Variants in ROBO1 observed in about 807,000 individuals in gnomAD.
The protein encoded by ROBO1 is roundabout guidance receptor 1.
Under a neutral mutation model 195.9 loss-of-function variants are expected in ROBO1, and 149 were observed. The ratio of observed to expected loss-of-function variants is 0.76; its 90% CI spans 0.67 to 0.87. ROBO1 has a LOEUF of 0.87. Ranked by LOEUF, ROBO1 falls within the 40% of genes least tolerant of loss-of-function variation. The pLI, the probability that ROBO1 is intolerant of heterozygous loss-of-function variation, is 0.00. For synonymous variants in ROBO1, 816 were observed against 733.2 expected, an observed-to-expected ratio of 1.11 and a Z score of -1.82; for missense variants, 1,933 against 2,068.3, an observed-to-expected ratio of 0.93 and a Z score of 1.27.
At chr3:78,900,953 C>T (rs1292583953) in intron 4 of ROBO1, among the ~76,000 whole-genome samples, 2 of 152,026 alleles carry the variant, frequency 1.3e-5, no homozygotes, top group Non-Finnish European at 2.9e-5. Flanking sequence ...CTTTATTCAT[C>T]TCATCTGTCT....
chr3:79,586,096 T>C (rs1449840362), intron 2 of ROBO1, among the ~76,000 whole-genome samples: 1 of 151,966 alleles, frequency 6.6e-6, no homozygotes, highest in Non-Finnish European at 1.5e-5. Context: ...ATTCATTTAC[T>C]TTCAATTTGT....
At chr3:79,391,705 T>A (rs1161699680) in intron 2 of ROBO1, among the ~76,000 whole-genome samples, 1 of 152,184 alleles carries the variant, frequency 6.6e-6, no homozygotes, top group East Asian at 1.9e-4. Context: ...ATCGCTGATT[T>A]TATCACTAGG....
At chr3:79,018,169 G>A (rs1447859856) in intron 3 of ROBO1, among the ~76,000 whole-genome samples, 6 of 152,174 alleles carry the variant, frequency 3.9e-5, no homozygotes, top group Non-Finnish European at 8.8e-5. Context: ...AAAAGGCCGA[G>A]ATCTGCAAAG....
chr3:79,757,435 G>A (rs1704463927), intron 1 of ROBO1, among the ~76,000 whole-genome samples: 1 of 151,832 alleles, frequency 6.6e-6, no homozygotes, highest in Non-Finnish European at 1.5e-5. Context: ...GCAACAGGCA[G>A]AACCAGCCCC....
At chr3:79,081,931 A>G (rs2079282245) in intron 3 of ROBO1, among the ~76,000 whole-genome samples, 1 of 152,126 alleles carries the variant, frequency 6.6e-6, no homozygotes, top group Admixed American at 6.6e-5. Context: ...ATTTGCCTAC[A>G]TTGGTCTTTT....
intron 1 of ROBO1, among the ~76,000 whole-genome samples, chr3:79,625,139 C>A (rs911561094): frequency 2.6e-5 from 4 of 151,840 alleles, no homozygotes; most frequent in Non-Finnish European, 5.9e-5. Context: ...TCAAGAAGTT[C>A]TTTGAAACCA....
chr3:79,209,111 CCAAA>C (rs1179876576), intron 2 of ROBO1, among the ~76,000 whole-genome samples: 2 of 151,900 alleles, frequency 1.3e-5, no homozygotes, highest in Non-Finnish European at 2.9e-5. Flanking sequence ...CACCTGTCAC[CCAAA>C]CAGTGTACAC....
At position 78,842,603 on chromosome 3, in the gene ROBO1, T is replaced by TATA. The variant is rs34333083; in HGVS notation, c.500-95704_500-95703insTAT. On this transcript the variant is annotated intron_variant, in intron 4 of 30. Coordinates refer to ENST00000464233, the MANE Select transcript of ROBO1 (RefSeq NM_002941.4). ...TATTTATATATGAGCCATATATATA[T>TATA]TTTTATATATGGCACCTAAGCACAC... is the stretch of plus-strand genomic sequence containing the variant. 7.2e-5 allele frequency among the ~76,000 whole-genome samples: 9 copies of TATA among 124,228 alleles called. 1 individual carries two copies. Among genetic ancestry groups the TATA allele is most frequent in the Admixed American group, 1.6e-4 (2 of 12,726 alleles). 81.5% of individuals were successfully genotyped at this position (124,228 alleles called of 152,430 possible).
intron 4 of ROBO1, among the ~76,000 whole-genome samples, chr3:78,899,019 T>C (rs1391632785): frequency 1.3e-5 from 2 of 152,174 alleles, no homozygotes; most frequent in African/African-American, 4.8e-5. Context: ...TCAGTGTATT[T>C]GTTCTTTCCT....
chr3:78,973,481 T>TTA (rs1208480601), intron 3 of ROBO1, among the ~76,000 whole-genome samples: 13 of 145,610 alleles, frequency 8.9e-5, no homozygotes, highest in South Asian at 2.1e-4. Context: ...TATATATATA[T>TTA]TATATATATA....
intron 4 of ROBO1, among the ~76,000 whole-genome samples, chr3:78,776,816 T>G (rs1300752585): frequency 2.6e-5 from 4 of 152,190 alleles, no homozygotes; most frequent in African/African-American, 7.2e-5. Flanking sequence ...TGAACTGTTT[T>G]GTGCTTGAAT....
chr3:79,227,479 T>C (rs927860307), intron 2 of ROBO1, among the ~76,000 whole-genome samples: 2 of 152,186 alleles, frequency 1.3e-5, no homozygotes, highest in East Asian at 1.9e-4. Flanking sequence ...TCAGAGAATA[T>C]GTCCCAGCCA....
intron 19 of ROBO1, among the ~76,000 whole-genome samples, chr3:78,650,128 C>T (rs1371134047): frequency 6.6e-6 from 1 of 152,088 alleles, no homozygotes; most frequent in African/African-American, 2.4e-5. Context: ...ACACCCTACC[C>T]CTTCCCCACT....
intron 1 of ROBO1, among the ~76,000 whole-genome samples, chr3:79,656,337 T>A (rs888115390): frequency 2.6e-5 from 4 of 151,822 alleles, no homozygotes; most frequent in South Asian, 2.1e-4. Flanking sequence ...TTGAGACACA[T>A]GGAATTGGAA....
intron 2 of ROBO1, among the ~76,000 whole-genome samples, chr3:79,159,885 T>C (rs1238689624): frequency 1.3e-5 from 2 of 152,042 alleles, no homozygotes; most frequent in African/African-American, 4.8e-5. Context: ...ATGAGGCTTT[T>C]ACTAAGCTTT....
intron 1 of ROBO1, among the ~76,000 whole-genome samples, chr3:79,763,136 G>C (rs1230055021): frequency 6.6e-6 from 1 of 152,086 alleles, no homozygotes; most frequent in Non-Finnish European, 1.5e-5. Context: ...TAGATCTTTG[G>C]AAATATAGGT....
chr3:78,988,847 G>C (rs2077171632), intron 3 of ROBO1, among the ~76,000 whole-genome samples: 1 of 152,142 alleles, frequency 6.6e-6, no homozygotes, highest in Non-Finnish European at 1.5e-5. Flanking sequence ...AAAGACACTG[G>C]TATGGAAAGA....
intron 1 of ROBO1, among the ~76,000 whole-genome samples, chr3:79,733,949 C>A (rs1162432963): frequency 7.1e-6 from 1 of 141,316 alleles, no homozygotes; most frequent in Non-Finnish European, 1.5e-5. Context: ...ACAATCCTCC[C>A]ATCTTTTTTT....
At position 79,208,709 on chromosome 3, in the gene ROBO1, G is replaced by GTGTGTGT. The variant is rs1342744912; in HGVS notation, c.89-83177_89-83171dup. Among the ~76,000 whole-genome samples the GTGTGTGT allele has an allele frequency of 3.8e-4, 58 of 151,880 alleles. 1 individual carries two copies. Among genetic ancestry groups the GTGTGTGT allele is most frequent in the African/African-American group, 1.4e-3 (56 of 41,402 alleles). On this transcript the variant is annotated intron_variant, in intron 2 of 30. Coordinates refer to ENST00000464233, the MANE Select transcript of ROBO1 (RefSeq NM_002941.4). ...GGCATGTGTGTGTGTGTGTGTGTGTGTGTGTGTGTGTGCGCCTGCATGCAT... is the reference window on the plus strand; with the variant it reads ...GGCATGTGTGTGTGTGTGTGTGTGTGTGTGTGTTGTGTGTGTGTGCGCCTGCATGCAT...
Sources: gnomAD v4.1 joint callset for allele counts (sites outside exome capture counted in the v4.1 genomes callset) on GRCh38, gnomAD v4.1.1 for gene constraint, MANE v1.5 for transcripts, NCBI Gene and HGNC (gene_info 2026-07-23, HGNC 2026-07-21) for gene names.